ZZEF1: variants seen among roughly 807,000 people sequenced by gnomAD.
ZZEF1 encodes zinc finger ZZ-type and EF-hand domain-containing protein 1.
A neutral mutation model predicts 342.8 loss-of-function variants in ZZEF1; 157 were observed. The ratio of observed to expected loss-of-function variants is 0.46; its 90% CI spans 0.40 to 0.52. The LOEUF is 0.52. Among genes scored for constraint, ZZEF1 ranks in the 20% least tolerant of loss-of-function variants. The pLI, the probability that ZZEF1 is intolerant of heterozygous loss-of-function variation, is 0.00. For missense variants in ZZEF1, 3,480 were observed against 3,725.6 expected (o/e 0.93, Z 1.72); for synonymous variants, 1,505 against 1,429.1 (o/e 1.05, Z -1.20).
Position 4,118,517 on chromosome 17 carries a change from T to C in ZZEF1, c.500-1351A>G, listed in dbSNP as rs143803374. ...CTCAAGCACCATCAGATCTGCTGAG[T>C]CATATGACCCAAGCGGCAGAGCAGC... On this transcript the variant is annotated intron_variant, in intron 2 of 54. Transcript: ENST00000381638. Among the ~76,000 whole-genome samples the C allele has an allele frequency of 8.5e-3, 1,286 of 152,156 alleles. 16 individuals are homozygous for C. The highest frequency in any genetic ancestry group is 0.03 in the African/African-American group (1,227 of 41,500).
At chr17:4,056,939 T>G (rs1303685137) in intron 32 of ZZEF1, 1 of 152,238 alleles carries the variant, frequency 6.6e-6, no homozygotes, top group Non-Finnish European at 1.5e-5. Context: ...GATGCAAAAT[T>G]GTAAATTTCC....
In ZZEF1 at chr17:4,070,394, G is replaced by A. The variant is rs1161364782; in HGVS notation, c.4075+290C>T. 2.6e-5 allele frequency among the ~76,000 whole-genome samples: 4 copies of A among 152,194 alleles called. No individual in the cohort carries two copies. In the South Asian group the frequency reaches 8.3e-4, roughly 32 times the overall value. On this transcript the variant is annotated intron_variant, in intron 26 of 54. Transcript: ENST00000381638. ...TTTTTGCACTGGGACCAGGACCCAA[G>A]TTAAGGTTTCTTTCCATTAAATTTC...
intron 8 of ZZEF1, 44 bp from the exon 9 acceptor site, chr17:4,102,459 AG>A (rs2058142851): frequency 1.9e-6 from 3 of 1,561,338 alleles, no homozygotes; most frequent in Middle Eastern, 1.7e-4. Context: ...TAAAATATGA[AG>A]AACTGGAAAC....
intron 9 of ZZEF1, among the ~76,000 whole-genome samples, chr17:4,101,055 C>G (rs2058118981): frequency 6.6e-6 from 1 of 152,156 alleles, no homozygotes; most frequent in African/African-American, 2.4e-5. Flanking sequence ...CAGCCATGGC[C>G]TTCAGTGTGG....
rs1320980726 is a variant in ZZEF1, at chr17:4,017,097, A to C, written c.8001+274T>G. The C allele has an allele frequency of 4.7e-6, 2 of 426,456 alleles. No individual in the cohort carries two copies. 26.4% of individuals were successfully genotyped at this position (426,456 alleles called of 1,614,324 possible). A position where few individuals can be genotyped will look rare whatever the true frequency, so the allele number is the denominator to read the frequency against. ...TGAGGGACAGGATCAAAAAGGAGCT[A>C]CCGAATGTGCCTCAAGATTTCTGCA... On this transcript the variant is annotated intron_variant, in intron 48 of 54. Transcript: ENST00000381638. The surrounding 1 kb of genome is among the most constrained non-coding windows in gnomAD (Gnocchi z 5.1).
chr17:4,064,847 T>G lies in ZZEF1; in HGVS notation c.4250-18A>C. 12 of 1,081,416 alleles carry G rather than the reference T, an allele frequency of 1.1e-5. No individual in the cohort carries two copies. Among genetic ancestry groups the G allele is most frequent in the African/African-American group, 4.8e-5 (2 of 41,570 alleles). The allele number at this position is 1,081,416 out of a possible 1,614,324, so 67.0% of individuals were successfully genotyped here. Reference sequence around the variant, plus strand: ...CTCTTTTGCTAGATGCAAACAAGAATCATAATTGAAAAAAAAAAAAGTTAA... The same window carrying G: ...CTCTTTTGCTAGATGCAAACAAGAAGCATAATTGAAAAAAAAAAAAGTTAA... On this transcript the variant is annotated intron_variant, in intron 28 of 54. Coordinates refer to ENST00000381638, the MANE Select transcript of ZZEF1 (RefSeq NM_015113.4).
Position 4,117,284 on chromosome 17 carries a change from GAT to G in ZZEF1, c.500-120_500-119del, listed in dbSNP as rs2058411398. The G allele has an allele frequency of 3.8e-5, 28 of 727,792 alleles. No individual in the cohort carries two copies. In the South Asian group the frequency reaches 5.4e-4, roughly 14 times the overall value. The allele number at this position is 727,792 out of a possible 1,614,324, so 45.1% of individuals were successfully genotyped here. On this transcript the variant is annotated intron_variant, in intron 2 of 54. Coordinates refer to ENST00000381638, the MANE Select transcript of ZZEF1 (RefSeq NM_015113.4). ...AAAGCAGTCATTAACAATCTTCATT[GAT>G]ATTTTCAGTTTTAATTGTTAAAAAA...
intron 45 of ZZEF1, 78 bp from the exon 46 acceptor site, chr17:4,019,847 G>C: frequency 2.7e-6 from 3 of 1,092,744 alleles, no homozygotes; most frequent in Non-Finnish European, 3.9e-6. Context: ...ACTCAAAACT[G>C]AGAAGACAAT....
intron 23 of ZZEF1, among the ~76,000 whole-genome samples, 153 bp from the exon 24 acceptor site, chr17:4,074,504 G>A (rs1480546567): frequency 6.6e-6 from 1 of 152,184 alleles, no homozygotes; most frequent in Non-Finnish European, 1.5e-5. Context: ...ACAAAGGGGT[G>A]ACGGAAACAG....
intron 28 of ZZEF1, 123 bp from the exon 29 acceptor site, chr17:4,064,952 C>T: frequency 2.9e-6 from 2 of 686,226 alleles, no homozygotes; most frequent in Non-Finnish European, 2.4e-6. Context: ...GGGTGCAGCA[C>T]ACCAACATGG....
chr17:4,026,679 C>A (rs2056413211), intron 42 of ZZEF1, among the ~76,000 whole-genome samples: 1 of 151,744 alleles, frequency 6.6e-6, no homozygotes, highest in Non-Finnish European at 1.5e-5. Context: ...CCACCACACG[C>A]CCAGATATTT....
Position 4,142,917 on chromosome 17 carries a change from T to A in ZZEF1, c.-22A>T. 1 of 1,306,504 alleles carries A rather than the reference T, an allele frequency of 7.7e-7. No individual in the cohort carries two copies. Among genetic ancestry groups the A allele is most frequent in the South Asian group, 2.3e-5 (1 of 43,788 alleles). 80.9% of individuals were successfully genotyped at this position (1,306,504 alleles called of 1,614,324 possible). On this transcript the variant is annotated 5_prime_UTR_variant, in exon 1 of 55. Coordinates refer to ENST00000381638, the MANE Select transcript of ZZEF1 (RefSeq NM_015113.4). ...CCATGGGGTCTCCGTCTTGGGCGCC[T>A]GGCTCTGCAGCCGCCGCCGCCGCCT... is the stretch of plus-strand genomic sequence containing the variant.
In ZZEF1 at chr17:4,114,434, T is replaced by C; in HGVS notation, c.731A>G (p.Asp244Gly). The C allele has an allele frequency of 6.2e-7, 1 of 1,603,298 alleles. No individual in the cohort carries two copies. Among genetic ancestry groups the C allele is most frequent in the South Asian group, 1.1e-5 (1 of 88,954 alleles). Reference protein sequence around the residue: ...PGDLTRSPEMDKLKSVAKCYA... With the variant: ...PGDLTRSPEMGKLKSVAKCYA... ...GCACTTTGCTACTGACTTGAGTTTA[T>C]CCATCTCTGGACTTCTAGTTAGATC... Residue 244 changes from aspartate to glycine, a missense_variant, in exon 4 of 55, where the codon GAT (aspartate) becomes GGT (glycine). Transcript: ENST00000381638.
At chr17:4,123,226 C>T (rs1221188276) in intron 2 of ZZEF1, among the ~76,000 whole-genome samples, 1 of 139,164 alleles carries the variant, frequency 7.2e-6, no homozygotes, top group Non-Finnish European at 1.6e-5. Context: ...GGCCTGACCT[C>T]TTCTTATTAT....
chr17:4,043,762 C>T (rs1399214387), intron 38 of ZZEF1, among the ~76,000 whole-genome samples: 2 of 152,210 alleles, frequency 1.3e-5, no homozygotes, highest in African/African-American at 4.8e-5. Flanking sequence ...GATCCTAGCA[C>T]ATTCAAGGTC....
Position 4,032,959 on chromosome 17 carries a change from G to A in ZZEF1, c.6628C>T (p.Arg2210Trp), listed in dbSNP as rs771454859. 3.7e-6 allele frequency: 6 copies of A among 1,603,892 alleles called. No individual in the cohort carries two copies. The highest frequency in any genetic ancestry group is 2.2e-5 in the East Asian group (1 of 44,500). ...DWACSMAEILRSLNSAPLWRD... is the reference protein window; with the variant it reads ...DWACSMAEILWSLNSAPLWRD... ...CACAGTGGGGCACTGTTGAGTGACC[G>A]CAGGATCTCTGCCATGGAGCACGCC... Residue 2210 changes from arginine (R) to tryptophan (W), a missense_variant, in exon 41 of 55, where the codon CGG becomes TGG. This residue lies in a region of ZZEF1 where 1,269 missense variants were observed against 1,342.4 expected (regional missense o/e 0.95). Transcript: ENST00000381638.
rs759704730 is a variant in ZZEF1, at chr17:4,104,645, G to A, written c.1561C>T (p.Leu521Phe). The change falls in exon 8 of 55, where the codon CTC becomes TTC. Residue 521 changes from leucine (L) to phenylalanine (F), a missense_variant. This residue lies in a region of ZZEF1 where 1,528 missense variants were observed against 1,624.1 expected (regional missense o/e 0.94). Coordinates refer to ENST00000381638, the MANE Select transcript of ZZEF1 (RefSeq NM_015113.4). ...LSMASVRQNL[L>F]LKYGKPLQLT... Reference sequence around the variant, plus strand: ...TTACCATATTTACCATATTTGAGGAGCAGGTTCTGTCTGACTGACGCCATG... The same window carrying A: ...TTACCATATTTACCATATTTGAGGAACAGGTTCTGTCTGACTGACGCCATG... 6.2e-7 allele frequency: 1 copy of A among 1,613,834 alleles called. No individual in the cohort carries two copies. The highest frequency in any genetic ancestry group is 8.5e-7 in the Non-Finnish European group (1 of 1,179,932).
Position 4,013,595 on chromosome 17 carries a change from C to G in ZZEF1, c.8433G>C (p.Gln2811His). ...GCACGACCCTTTCTTCTGACAACAT[C>G]TGCTTCAAAATCTCGAATCCTGGCC... ...RFQTGFEILKQMLSEERVVPH... is the reference protein window; with the variant it reads ...RFQTGFEILKHMLSEERVVPH... Residue 2811 changes from glutamine (Q) to histidine (H), a missense_variant, in exon 52 of 55, where the codon CAG (glutamine) becomes CAC (histidine). Around this residue, in one of 5 missense-constraint regions of ZZEF1, gnomAD observed 1,269 missense variants for 1,342.4 expected, o/e 0.95. Transcript: ENST00000381638. The G allele has an allele frequency of 6.2e-7, 1 of 1,612,896 alleles. No individual in the cohort carries two copies. Among genetic ancestry groups the G allele is most frequent in the Admixed American group, 1.7e-5 (1 of 59,864 alleles).
chr17:4,089,039 T>C, intron 12 of ZZEF1, 146 bp from the exon 13 acceptor site: 1 of 672,056 alleles, frequency 1.5e-6, no homozygotes, highest in South Asian at 1.9e-5. Context: ...GGACACAAAA[T>C]ATAAGTCCAG....
Sources: allele counts gnomAD v4.1 joint callset (sites outside exome capture counted in the v4.1 genomes callset), GRCh38; gene constraint gnomAD v4.1.1; regional missense constraint gnomAD v4.1.1; non-coding constraint Gnocchi (gnomAD v3.1); transcripts MANE v1.5; gene names NCBI Gene and HGNC (gene_info 2026-07-23, HGNC 2026-07-21).